Variants in XKRX observed in about 807,000 individuals in gnomAD.
XKRX encodes XK related X-linked, also known as XK-related protein 2.
A neutral mutation model predicts 22.4 loss-of-function variants in XKRX; 11 were observed. The observed-to-expected ratio is 0.49, with a 90% CI of 0.31 to 0.81. The LOEUF (loss-of-function observed/expected upper bound fraction) is 0.81, where lower values mean the gene tolerates loss of function less well. Ranked by LOEUF, XKRX falls within the 40% of genes least tolerant of loss-of-function variation. The pLI, the probability that XKRX is intolerant of heterozygous loss-of-function variation, is 0.05. For synonymous variants in XKRX, 114 were observed against 132.2 expected (o/e 0.86, Z 0.94); for missense variants, 320 against 336.5 (o/e 0.95, Z 0.38).
At chrX:100,952,915 A>G in the XKRX span, among the ~76,000 whole-genome samples, 11 of 112,465 alleles carry the variant, frequency 9.8e-5, no homozygotes, top group African/African-American at 3.5e-4. Context: ...TGCACGTGTT[A>G]AAACTGCACA....
chrX:100,930,372 G>A (rs1184540522), upstream of XKRX, among the ~76,000 whole-genome samples: 1 of 109,910 alleles, frequency 9.1e-6, no homozygotes, highest in Non-Finnish European at 1.9e-5. Flanking sequence ...TTTGCTGCAG[G>A]AAGTCAGTAA....
chrX:100,903,551 G>C, the XKRX span, among the ~76,000 whole-genome samples: 962 of 111,916 alleles, frequency 8.6e-3, 10 homozygotes, highest in African/African-American at 0.03. Context: ...CTTCCAAACT[G>C]ACTGTACCAT....
At chrX:100,910,625 C>T, downstream of XKRX, 4 of 341,003 alleles carry the variant, frequency 1.2e-5, no homozygotes, top group East Asian at 1.5e-4. Flanking sequence ...GACTGTGCGG[C>T]CTCGGCTCGT....
At chrX:100,911,195 A>C (rs1050309930), downstream of XKRX, 162 of 690,789 alleles carry the variant, frequency 2.3e-4, no homozygotes, top group Non-Finnish European at 2.3e-4. Flanking sequence ...CTTTATAAGA[A>C]AACCACCTAA....
At chrX:100,936,558 A>G in the XKRX span, among the ~76,000 whole-genome samples, 3 of 102,778 alleles carry the variant, frequency 2.9e-5, no homozygotes, top group South Asian at 4.5e-4. Context: ...AAAAAAAAAA[A>G]AAAAAAAAAA....
chrX:100,956,154 G>A, the XKRX span, among the ~76,000 whole-genome samples: 1 of 111,466 alleles, frequency 9.0e-6, no homozygotes, highest in Admixed American at 9.6e-5. Flanking sequence ...GGAGCTAAAT[G>A]ATGAGAGATG....
the XKRX span, among the ~76,000 whole-genome samples, chrX:100,937,659 G>A: frequency 3.6e-5 from 4 of 111,770 alleles, no homozygotes; most frequent in East Asian, 1.1e-3. Context: ...CTGTGTCCTG[G>A]GCCAGAGTTA....
the XKRX span, among the ~76,000 whole-genome samples, chrX:100,946,607 T>C: frequency 9.0e-6 from 1 of 111,221 alleles, no homozygotes; most frequent in African/African-American, 3.3e-5. Context: ...CACAAGAGGA[T>C]GAGGGAAGAA....
chrX:100,918,870 T>G (rs1220796509), intron 2 of XKRX, among the ~76,000 whole-genome samples: 3 of 110,074 alleles, frequency 2.7e-5, no homozygotes, highest in South Asian at 8.0e-4. Flanking sequence ...ATCCCCCTAT[T>G]TCCAAAAGTA....
At chrX:100,892,364 C>T in the XKRX span, among the ~76,000 whole-genome samples, 2 of 111,331 alleles carry the variant, frequency 1.8e-5, no homozygotes, top group African/African-American at 6.5e-5. Context: ...ATGGATACCC[C>T]ATTCTCCATG....
chrX:100,899,909 T>C, the XKRX span, among the ~76,000 whole-genome samples: 1 of 112,116 alleles, frequency 8.9e-6, no homozygotes, highest in African/African-American at 3.2e-5. Flanking sequence ...AATATTAACA[T>C]GACAATACTA....
chrX:100,927,594 G>A (rs1480810543), intron 1 of XKRX, among the ~76,000 whole-genome samples: 5 of 111,062 alleles, frequency 4.5e-5, no homozygotes, highest in African/African-American at 1.6e-4. Flanking sequence ...AGCCATGATC[G>A]CACCACTGCA....
the XKRX span, among the ~76,000 whole-genome samples, chrX:100,951,828 T>C: frequency 9.0e-6 from 1 of 111,679 alleles, no homozygotes; most frequent in African/African-American, 3.2e-5. Context: ...AAGCACAAAC[T>C]ACCACAACTC....
the XKRX span, among the ~76,000 whole-genome samples, chrX:100,945,734 G>C: frequency 9.6e-6 from 1 of 103,739 alleles, no homozygotes; most frequent in Non-Finnish European, 2.0e-5. Flanking sequence ...TTGAACCCGG[G>C]AGGCAGAGGT....
chrX:100,930,446 G>C (rs2085517856), upstream of XKRX, among the ~76,000 whole-genome samples: 1 of 109,997 alleles, frequency 9.1e-6, no homozygotes, highest in Non-Finnish European at 1.9e-5. Context: ...AGGTTGTCCT[G>C]TCATTATGTT....
chrX:100,951,051 A>G, the XKRX span, among the ~76,000 whole-genome samples: 179 of 108,898 alleles, frequency 1.6e-3, no homozygotes, highest in Non-Finnish European at 3.1e-3. Flanking sequence ...TGACCAACAT[A>G]GTGAAACCGT....
At chrX:100,933,867 T>A (rs754596696), upstream of XKRX, among the ~76,000 whole-genome samples, 2 of 111,786 alleles carry the variant, frequency 1.8e-5, no homozygotes, top group East Asian at 2.8e-4. Context: ...TTTAATTTTT[T>A]AAATAATACT....
the XKRX span, chrX:100,957,166 T>C: frequency 1.8e-6 from 2 of 1,099,542 alleles, no homozygotes; most frequent in Non-Finnish European, 1.3e-6. Context: ...CAGCAGCTGG[T>C]TCACAAAAAG....
chrX:100,910,839 G>T, downstream of XKRX: 1 of 772,936 alleles, frequency 1.3e-6, no homozygotes, highest in Middle Eastern at 4.4e-4. Context: ...GAAAATGATG[G>T]TCTGAAGGCT....
Sources: allele counts gnomAD v4.1 joint callset (sites outside exome capture counted in the v4.1 genomes callset), GRCh38; gene constraint gnomAD v4.1.1; transcripts MANE v1.5; gene names NCBI Gene and HGNC (gene_info 2026-07-23, HGNC 2026-07-21).